RBMS3: variants seen among roughly 807,000 people sequenced by gnomAD.
The protein encoded by RBMS3 is RNA binding motif single stranded interacting protein 3, also known as RNA-binding motif, single-stranded-interacting protein 3.
In RBMS3, 27 loss-of-function variants were observed where a neutral mutation model predicts 66.8. That is an observed-to-expected ratio of 0.40 (90% confidence interval 0.30 to 0.56). The LOEUF (loss-of-function observed/expected upper bound fraction) is 0.56, where lower values mean the gene tolerates loss of function less well. Among genes scored for constraint, RBMS3 ranks in the 20% least tolerant of loss-of-function variants. The pLI is 0.40. For missense variants in RBMS3, 513 were observed against 549.5 expected (o/e 0.93, Z 0.66); for synonymous variants, 188 against 183.0 (o/e 1.03, Z -0.22).
intron 6 of RBMS3, among the ~76,000 whole-genome samples, chr3:29,793,112 T>A (rs755184510): frequency 6.6e-6 from 1 of 151,742 alleles, no homozygotes; most frequent in Non-Finnish European, 1.5e-5. Context: ...GCACCTATAA[T>A]CCCAGTTACT....
chr3:29,787,314 T>C (rs2056852241), intron 6 of RBMS3, among the ~76,000 whole-genome samples: 1 of 152,134 alleles, frequency 6.6e-6, no homozygotes. Flanking sequence ...CCATTTGATT[T>C]AGCAATCCCC....
At chr3:30,001,042 AAAAAG>A (rs928327017) in intron 14 of RBMS3, among the ~76,000 whole-genome samples, 15 of 152,060 alleles carry the variant, frequency 9.9e-5, no homozygotes, top group Admixed American at 2.0e-4. Context: ...GTATAATAAA[AAAAAG>A]AAAAGAAAAA....
chr3:29,876,487 A>C (rs1436143732), intron 7 of RBMS3, among the ~76,000 whole-genome samples: 2 of 152,180 alleles, frequency 1.3e-5, no homozygotes, highest in Non-Finnish European at 2.9e-5. Context: ...ACATTTATAG[A>C]GCCTCTGCAA....
rs2054557870 is a variant in RBMS3 at position 29,739,873 on chromosome 3, G to A, written c.553G>A (p.Ala185Thr). Reference protein sequence around the residue: ...ANGVSRGVGFARMESTEKCEV... With the variant: ...ANGVSRGVGFTRMESTEKCEV... ...TGGAGTCAGCAGAGGTGTTGGCTTTGCCAGGTAAAATTCTTTCTTTGTATG... is the reference window on the plus strand; with the variant it reads ...TGGAGTCAGCAGAGGTGTTGGCTTTACCAGGTAAAATTCTTTCTTTGTATG... Residue 185 changes from alanine (A) to threonine (T), a missense_variant, in exon 5 of 15, where the codon GCC becomes ACC. Physicochemically the swap from Ala to Thr is moderately conservative, Grantham distance 58. Transcript: ENST00000383767. The A allele has an allele frequency of 6.4e-7, 1 of 1,567,652 alleles. No homozygotes were observed. The highest frequency in any genetic ancestry group is 1.4e-5 in the African/African-American group (1 of 72,508).
At chr3:29,776,524 C>A (rs570417735) in intron 6 of RBMS3, among the ~76,000 whole-genome samples, 8 of 151,922 alleles carry the variant, frequency 5.3e-5, no homozygotes, top group East Asian at 1.9e-4. Context: ...GTAAAAAAAA[C>A]CTAATTGTCC....
At chr3:29,310,549 A>C (rs987300906) in intron 1 of RBMS3, among the ~76,000 whole-genome samples, 12 of 151,504 alleles carry the variant, frequency 7.9e-5, no homozygotes, top group African/African-American at 2.9e-4. Context: ...AATTCTAAAA[A>C]CCTTGGTTAA....
At chr3:29,532,119 G>T (rs2045372747) in intron 3 of RBMS3, among the ~76,000 whole-genome samples, 1 of 151,270 alleles carries the variant, frequency 6.6e-6, no homozygotes, top group African/African-American at 2.4e-5. Context: ...TAACTAGATA[G>T]TCACTTTGAT....
chr3:29,753,914 AT>A (rs1413090124), intron 5 of RBMS3, among the ~76,000 whole-genome samples: 2 of 151,746 alleles, frequency 1.3e-5, no homozygotes, highest in African/African-American at 2.4e-5. Flanking sequence ...GAGAGAAACT[AT>A]TTTTTCCCCG....
At chr3:29,768,213 ATAT>A (rs2056017262) in intron 6 of RBMS3, among the ~76,000 whole-genome samples, 1 of 151,936 alleles carries the variant, frequency 6.6e-6, no homozygotes, top group Non-Finnish European at 1.5e-5. Flanking sequence ...CACCTTTAAA[ATAT>A]TATTAGTGAA....
chr3:29,400,892 A>G (rs1470546106), intron 1 of RBMS3, among the ~76,000 whole-genome samples: 1 of 152,098 alleles, frequency 6.6e-6, no homozygotes, highest in Non-Finnish European at 1.5e-5. Context: ...GACTGTAAAC[A>G]GGAGATTTTT....
chr3:29,811,747 C>A (rs1038704036), intron 6 of RBMS3, among the ~76,000 whole-genome samples: 2 of 152,128 alleles, frequency 1.3e-5, no homozygotes, highest in African/African-American at 4.8e-5. Context: ...CTCAAAGGTA[C>A]CCCTAAATCT....
At chr3:29,778,845 G>A (rs1700117042) in intron 6 of RBMS3, among the ~76,000 whole-genome samples, 1 of 151,850 alleles carries the variant, frequency 6.6e-6, no homozygotes, top group African/African-American at 2.4e-5. Flanking sequence ...GTGTTACTTA[G>A]GTGTTAACAT....
chr3:29,837,650 T>C (rs2058549130), intron 6 of RBMS3, among the ~76,000 whole-genome samples: 2 of 126,574 alleles, frequency 1.6e-5, no homozygotes, highest in Non-Finnish European at 3.2e-5. Context: ...AATGAACATA[T>C]ATATATAATG....
At chr3:29,940,366 G>A (rs980206763) in intron 11 of RBMS3, among the ~76,000 whole-genome samples, 1 of 151,886 alleles carries the variant, frequency 6.6e-6, no homozygotes, top group Non-Finnish European at 1.5e-5. Context: ...GGTGTGAACA[G>A]TGACAAGTCA....
chr3:29,701,512 G>A (rs2149289171), intron 4 of RBMS3, among the ~76,000 whole-genome samples: 1 of 152,248 alleles, frequency 6.6e-6, no homozygotes, highest in Middle Eastern at 3.4e-3. Context: ...GCTGCACTAT[G>A]GGAGCCCCTC....
intron 6 of RBMS3, among the ~76,000 whole-genome samples, chr3:29,779,874 A>C (rs2371822): frequency 6.8e-6 from 1 of 147,312 alleles, no homozygotes; most frequent in Non-Finnish European, 1.5e-5. Flanking sequence ...TTTTTTTTTT[A>C]ATTCAATAAA....
intron 6 of RBMS3, among the ~76,000 whole-genome samples, chr3:29,808,214 T>C (rs772618664): frequency 1.3e-5 from 2 of 151,928 alleles, no homozygotes; most frequent in African/African-American, 4.8e-5. Flanking sequence ...ATAATATTCG[T>C]ATTTCAATAC....
chr3:29,470,121 G>A (rs76046914), intron 2 of RBMS3, among the ~76,000 whole-genome samples: 16,541 of 150,408 alleles, frequency 0.11, 1,037 homozygotes, highest in Non-Finnish European at 0.14. Flanking sequence ...AAATAAACAA[G>A]GTAGTATTTG....
At chr3:29,301,586 G>C (rs953545497) in intron 1 of RBMS3, among the ~76,000 whole-genome samples, 1 of 151,922 alleles carries the variant, frequency 6.6e-6, no homozygotes, top group Non-Finnish European at 1.5e-5. Context: ...AGGAGTTTTT[G>C]TCAGAAAGAA....
Sources: allele counts gnomAD v4.1 joint callset (sites outside exome capture counted in the v4.1 genomes callset), GRCh38; gene constraint gnomAD v4.1.1; transcripts MANE v1.5; gene names NCBI Gene and HGNC (gene_info 2026-07-23, HGNC 2026-07-21).